Variants in ZNF432 observed in about 807,000 individuals in gnomAD.
ZNF432 encodes zinc finger protein 432.
Under a neutral mutation model 13.9 loss-of-function variants are expected in ZNF432, and 10 were observed. The ratio of observed to expected loss-of-function variants is 0.72; its 90% CI spans 0.44 to 1.22. The LOEUF (loss-of-function observed/expected upper bound fraction) is 1.22. ZNF432 is among the 50% of genes most tolerant of loss of function. The pLI, the probability that ZNF432 is intolerant of heterozygous loss-of-function variation, is 0.00. For synonymous variants in ZNF432, 247 were observed against 256.2 expected, an observed-to-expected ratio of 0.96 and a Z score of 0.34; for missense variants, 793 against 796.2, an observed-to-expected ratio of 1.00 and a Z score of 0.05.
At chr19:52,037,057 TATTTAAGC>T (rs2087089171) in intron 4 of ZNF432, among the ~76,000 whole-genome samples, 2 of 152,210 alleles carry the variant, frequency 1.3e-5, no homozygotes, top group Admixed American at 1.3e-4. Flanking sequence ...GTTTTGGGAT[TATTTAAGC>T]CCTGTTAGAG....
At chr19:52,040,626 C>T (rs1418312250) in intron 3 of ZNF432, 43 bp from the exon 4 acceptor site, 16 of 1,522,140 alleles carry the variant, frequency 1.1e-5, no homozygotes, top group Non-Finnish European at 1.1e-5. Context: ...CTGGATTGGG[C>T]TGGGGTATGT....
chr19:52,036,597 T>C (rs2087083054), intron 4 of ZNF432, among the ~76,000 whole-genome samples: 1 of 152,112 alleles, frequency 6.6e-6, no homozygotes, highest in Admixed American at 6.6e-5. Context: ...ACATCAAGAA[T>C]CTGGTTGGAG....
chr19:52,034,895 T>C lies in ZNF432; in HGVS notation c.784A>G (p.Ile262Val). Residue 262 changes from isoleucine (I) to valine (V), a missense_variant, in exon 5 of 5, where the codon ATA becomes GTA. Physicochemically the swap from Ile to Val is conservative, Grantham distance 29. Coordinates refer to ENST00000221315, the MANE Select transcript of ZNF432 (RefSeq NM_014650.4). ...QRIHKREKSF[I>V]CSECGKVFTM... ...AAGACTTTTCCACATTCACTGCATA[T>C]AAAAGATTTCTCTCTTTTATGAATT... The C allele has an allele frequency of 1.2e-6, 2 of 1,613,700 alleles. No homozygotes were observed. Among genetic ancestry groups the C allele is most frequent in the Non-Finnish European group, 1.7e-6 (2 of 1,179,880 alleles).
chr19:52,038,439 T>C (rs961927770), intron 4 of ZNF432, among the ~76,000 whole-genome samples: 6 of 152,144 alleles, frequency 3.9e-5, no homozygotes, highest in African/African-American at 1.4e-4. Context: ...TACAGGCATG[T>C]GCCACCATGC....
chr19:52,044,241 G>C (rs2087161568), intron 2 of ZNF432, among the ~76,000 whole-genome samples: 1 of 151,660 alleles, frequency 6.6e-6, no homozygotes, highest in South Asian at 2.1e-4. Context: ...AAATAAATCT[G>C]TTTGAAAAAA....
Position 52,040,519 on chromosome 19 carries a change from C to T in ZNF432, c.207G>A (p.Met69Ile), listed in dbSNP as rs754273002. ...KLERGEEPWTMEDERHSRICP... is the reference protein window; with the variant it reads ...KLERGEEPWTIEDERHSRICP... ...AGATTCGACTGTGCCTTTCATCTTC[C>T]ATTGTCCATGGTTCTTCTCCTCGTT... Residue 69 changes from methionine to isoleucine, a missense_variant, in exon 4 of 5, where the codon ATG (methionine) becomes ATA (isoleucine). Physicochemically the swap from Met to Ile is conservative, Grantham distance 10 (BLOSUM62 1). Coordinates refer to ENST00000221315, the MANE Select transcript of ZNF432 (RefSeq NM_014650.4). 36 of 1,614,052 alleles carry T rather than the reference C, an allele frequency of 2.2e-5. No homozygotes were observed. Among genetic ancestry groups the T allele is most frequent in the Non-Finnish European group, 3.0e-5 (35 of 1,180,026 alleles).
At position 52,032,073 on chromosome 19, in the gene ZNF432, G is replaced by A. The variant is rs2087019733; in HGVS notation, c.*1647C>T. ...TACTCAGGAAACTTTTGTATATTTT[G>A]TAATCTCTTGTGAATCTAGAATTAT... On this transcript the variant is annotated 3_prime_UTR_variant, in exon 5 of 5. Coordinates refer to ENST00000221315, the MANE Select transcript of ZNF432 (RefSeq NM_014650.4). The A allele has an allele frequency of 6.6e-6, 1 of 152,116 alleles. No homozygotes were observed. The highest frequency in any genetic ancestry group is 1.5e-5 in the Non-Finnish European group (1 of 68,006). 9.4% of individuals were successfully genotyped at this position (152,116 alleles called of 1,614,324 possible). A position where few individuals can be genotyped will look rare whatever the true frequency, so the allele number is the denominator to read the frequency against.
chr19:52,034,855 C>T lies in ZNF432; in HGVS notation c.824G>A (p.Arg275His), dbSNP rs757367664. Residue 275 changes from arginine (R) to histidine (H), a missense_variant, in exon 5 of 5, where the codon CGT becomes CAT. Arg to His is a conservative substitution (Grantham distance 29, BLOSUM62 0). Coordinates refer to ENST00000221315, the MANE Select transcript of ZNF432 (RefSeq NM_014650.4). ...ECGKVFTMKS[R>H]LIEHQRTHTG... ...ATGAGTTCGCTGATGTTCAATCAGA[C>T]GGCTCTTCATAGTGAAGACTTTTCC... 15 of 1,613,704 alleles carry T rather than the reference C, an allele frequency of 9.3e-6. No individual in the cohort carries two copies. Among genetic ancestry groups the T allele is most frequent in the Admixed American group, 3.3e-5 (2 of 59,972 alleles).
chr19:52,034,254 A>T lies in ZNF432; in HGVS notation c.1425T>A (p.His475Gln). 2 of 1,614,098 alleles carry T rather than the reference A, an allele frequency of 1.2e-6. No individual in the cohort carries two copies. Among genetic ancestry groups the T allele is most frequent in the Non-Finnish European group, 1.7e-6 (2 of 1,179,994 alleles). ...GFPLKSRLIV[H>Q]QRTHTGEKPY... is the part of the protein sequence containing the mutation. Reference sequence around the variant, plus strand: ...GTTTCTCTCCAGTATGAGTTCGCTGATGTACAATCAGCCGACTCTTCAAGG... The same window carrying T: ...GTTTCTCTCCAGTATGAGTTCGCTGTTGTACAATCAGCCGACTCTTCAAGG... The change falls in exon 5 of 5, where the codon CAT becomes CAA. Residue 475 changes from histidine to glutamine, a missense_variant. Transcript: ENST00000221315.
In ZNF432 at chr19:52,034,813, T is replaced by A. The variant is rs1322222702; in HGVS notation, c.866A>T (p.Tyr289Phe). 1.9e-6 allele frequency: 3 copies of A among 1,613,104 alleles called. No homozygotes were observed. The highest frequency in any genetic ancestry group is 2.5e-6 in the Non-Finnish European group (3 of 1,179,532). The change falls in exon 5 of 5, where the codon TAC becomes TTC. Residue 289 changes from tyrosine (Y) to phenylalanine (F), a missense_variant. Tyr to Phe is a conservative substitution (Grantham distance 22). Coordinates refer to ENST00000221315, the MANE Select transcript of ZNF432 (RefSeq NM_014650.4). ...HQRTHTGEKP[Y>F]ICNECGKGFP... Reference sequence around the variant, plus strand: ...GCCTTTTCCACATTCATTGCATATGTAGGGTTTCTCTCCAGTATGAGTTCG... The same window carrying A: ...GCCTTTTCCACATTCATTGCATATGAAGGGTTTCTCTCCAGTATGAGTTCG...
chr19:52,047,656 A>G (rs2087198698), intron 1 of ZNF432, among the ~76,000 whole-genome samples: 1 of 151,110 alleles, frequency 6.6e-6, no homozygotes, highest in African/African-American at 2.5e-5. Flanking sequence ...GGGCGACAAA[A>G]GCAAGACTCC....
intron 3 of ZNF432, among the ~76,000 whole-genome samples, chr19:52,040,939 C>T (rs1039156013): frequency 8.0e-6 from 1 of 124,958 alleles, no homozygotes; most frequent in African/African-American, 3.1e-5. Flanking sequence ...TCCATCTCTA[C>T]AAAAAAAAAA....
At chr19:52,040,344 TA>T in intron 4 of ZNF432, 143 bp downstream of exon 4, 1 of 730,728 alleles carries the variant, frequency 1.4e-6, no homozygotes. Flanking sequence ...AATGCAACCT[TA>T]AAATAAGATG....
Position 52,034,328 on chromosome 19 carries a change from G to A in ZNF432, c.1351C>T (p.His451Tyr), listed in dbSNP as rs1298344417. Residue 451 changes from histidine to tyrosine, a missense_variant, in exon 5 of 5, where the codon CAT becomes TAT. Physicochemically the swap from His to Tyr is moderately conservative, Grantham distance 83. Transcript: ENST00000221315. ...CATGTGTAGGGCTTCTCTCCTGTAT[G>A]AGTTCGCTGATGTATGATGAGCATG... Reference protein sequence around the residue: ...KSMLIIHQRTHTGEKPYTCSE... With the variant: ...KSMLIIHQRTYTGEKPYTCSE... 6.2e-7 allele frequency: 1 copy of A among 1,613,998 alleles called. No individual in the cohort carries two copies. Among genetic ancestry groups the A allele is most frequent in the Non-Finnish European group, 8.5e-7 (1 of 1,179,896 alleles).
intron 2 of ZNF432, among the ~76,000 whole-genome samples, chr19:52,045,798 C>T (rs1233754220): frequency 1.3e-5 from 2 of 150,816 alleles, no homozygotes. Context: ...AGTTCGAGAC[C>T]AGCCTGGCCA....
Position 52,034,010 on chromosome 19 carries a change from T to A in ZNF432, c.1669A>T (p.Ile557Phe), listed in dbSNP as rs754282616. The A allele has an allele frequency of 1.9e-6, 3 of 1,611,056 alleles. No homozygotes were observed. The highest frequency in any genetic ancestry group is 8.5e-7 in the Non-Finnish European group (1 of 1,177,224). The change falls in exon 5 of 5, where the codon ATT becomes TTT. Residue 557 changes from isoleucine (I) to phenylalanine (F), a missense_variant. Coordinates refer to ENST00000221315, the MANE Select transcript of ZNF432 (RefSeq NM_014650.4). ...TCTGTATGAATTTGCTGATGTACAA[T>A]GAGATAGCGTTTCATGGTGAAGCCT... Reference protein sequence around the residue: ...GKGFTMKRYLIVHQQIHTEEK... With the variant: ...GKGFTMKRYLFVHQQIHTEEK...
Position 52,034,292 on chromosome 19 carries a change from C to T in ZNF432, c.1387G>A (p.Gly463Arg), listed in dbSNP as rs770483616. 2 of 1,609,600 alleles carry T rather than the reference C, an allele frequency of 1.2e-6. No individual in the cohort carries two copies. Among genetic ancestry groups the T allele is most frequent in the Non-Finnish European group, 1.7e-6 (2 of 1,177,086 alleles). Residue 463 changes from glycine to arginine, a missense_variant, in exon 5 of 5, where the codon GGG becomes AGG. Transcript: ENST00000221315. ...GEKPYTCSECGKGFPLKSRLI... is the reference protein window; with the variant it reads ...GEKPYTCSECRKGFPLKSRLI... ...CGACTCTTCAAGGGGAAGCCTTTCCCACATTCACTGCATGTGTAGGGCTTC... is the reference window on the plus strand; with the variant it reads ...CGACTCTTCAAGGGGAAGCCTTTCCTACATTCACTGCATGTGTAGGGCTTC...
chr19:52,045,437 A>G (rs1223042939), intron 2 of ZNF432, among the ~76,000 whole-genome samples: 2 of 145,196 alleles, frequency 1.4e-5, no homozygotes, highest in Non-Finnish European at 3.0e-5. Flanking sequence ...GCTCACCACA[A>G]CCTCCACCTC....
intron 2 of ZNF432, 101 bp downstream of exon 2, chr19:52,046,753 G>T (rs1205698534): frequency 2.6e-5 from 32 of 1,247,508 alleles, no homozygotes; most frequent in Non-Finnish European, 3.5e-5. Context: ...GTTGGAGTTA[G>T]ATTTAAAGTT....
Sources: gnomAD v4.1 joint callset for allele counts (sites outside exome capture counted in the v4.1 genomes callset) on GRCh38, gnomAD v4.1.1 for gene constraint, MANE v1.5 for transcripts, NCBI Gene and HGNC (gene_info 2026-07-23, HGNC 2026-07-21) for gene names.